The following RCAN2 variants were observed in gnomAD, a reference collection of about 807,000 sequenced individuals.
RCAN2 encodes regulator of calcineurin 2.
In RCAN2, 9 loss-of-function variants were observed where a neutral mutation model predicts 23.6. That is an observed-to-expected ratio of 0.38 (90% CI 0.23 to 0.67). RCAN2 has a LOEUF of 0.67. Ranked by LOEUF, RCAN2 falls within the 30% of genes least tolerant of loss-of-function variation. The probability of loss-of-function intolerance (pLI) is 0.51; values close to 1 mark genes in which losing one functional copy is unlikely to be tolerated. For missense variants in RCAN2, 273 were observed against 302.3 expected (o/e 0.90, Z 0.72); for synonymous variants, 109 against 115.7 (o/e 0.94, Z 0.37).
At chr6:46,377,651 C>T (rs1765514037) in intron 2 of RCAN2, among the ~76,000 whole-genome samples, 1 of 152,212 alleles carries the variant, frequency 6.6e-6, no homozygotes, top group Non-Finnish European at 1.5e-5. Context: ...AAATGAGAAC[C>T]TTACTTCCTG....
intron 4 of RCAN2, among the ~76,000 whole-genome samples, chr6:46,230,550 C>T (rs1765847325): frequency 1.3e-5 from 2 of 152,170 alleles, no homozygotes; most frequent in Admixed American, 1.3e-4. Flanking sequence ...GTGAGTGAGG[C>T]TCCATGGGCA....
At chr6:46,491,141 G>T (rs1178601860) in intron 1 of RCAN2, 32 bp downstream of exon 1, 2 of 151,438 alleles carry the variant, frequency 1.3e-5, no homozygotes, top group East Asian at 3.9e-4. Flanking sequence ...GGGTGCCTGG[G>T]CGAGCCTGGC....
chr6:46,445,335 T>C (rs1423377427), intron 2 of RCAN2, among the ~76,000 whole-genome samples: 2 of 152,192 alleles, frequency 1.3e-5, no homozygotes, highest in Non-Finnish European at 2.9e-5. Context: ...GCCCACCTGC[T>C]GACCCAGGCA....
intron 2 of RCAN2, among the ~76,000 whole-genome samples, chr6:46,448,738 T>C (rs1302364216): frequency 6.6e-6 from 1 of 151,968 alleles, no homozygotes; most frequent in Non-Finnish European, 1.5e-5. Context: ...CATATGGTTA[T>C]CTCAACAGAA....
At chr6:46,410,907 A>G (rs138941185) in intron 2 of RCAN2, among the ~76,000 whole-genome samples, 1 of 152,330 alleles carries the variant, frequency 6.6e-6, no homozygotes, top group East Asian at 1.9e-4. Flanking sequence ...GCCTTTTGCC[A>G]TGCACCAGCA....
chr6:46,332,334 G>A (rs915730791), intron 2 of RCAN2, among the ~76,000 whole-genome samples: 10 of 151,460 alleles, frequency 6.6e-5, no homozygotes, highest in Non-Finnish European at 8.8e-5. Context: ...TATACTTTAA[G>A]TTTTAGGGTA....
At chr6:46,274,805 G>A (rs1021195531) in intron 2 of RCAN2, among the ~76,000 whole-genome samples, 9 of 152,182 alleles carry the variant, frequency 5.9e-5, no homozygotes, top group Non-Finnish European at 1.2e-4. Context: ...GAACCACCAA[G>A]TACTTTCTGA....
chr6:46,360,674 A>C (rs1764984351), intron 2 of RCAN2, among the ~76,000 whole-genome samples: 2 of 152,138 alleles, frequency 1.3e-5, no homozygotes, highest in African/African-American at 2.4e-5. Context: ...GGCTGGACTT[A>C]TAAGGTACAA....
chr6:46,261,353 G>A (rs1767101149), intron 2 of RCAN2, among the ~76,000 whole-genome samples: 1 of 152,190 alleles, frequency 6.6e-6, no homozygotes, highest in African/African-American at 2.4e-5. Context: ...CTTGAACAAT[G>A]TACTTACCCA....
chr6:46,462,448 T>C (rs889496820), intron 1 of RCAN2, among the ~76,000 whole-genome samples: 1 of 152,192 alleles, frequency 6.6e-6, no homozygotes, highest in Non-Finnish European at 1.5e-5. Flanking sequence ...CATGTGAAGA[T>C]AATTTTCATC....
chr6:46,488,217 A>G (rs1391240758), intron 1 of RCAN2, among the ~76,000 whole-genome samples: 1 of 152,234 alleles, frequency 6.6e-6, no homozygotes, highest in African/African-American at 2.4e-5. Flanking sequence ...CCTGGGCTTC[A>G]ATTCTAGGTG....
At chr6:46,431,612 C>A (rs1041405133) in intron 2 of RCAN2, among the ~76,000 whole-genome samples, 1 of 152,174 alleles carries the variant, frequency 6.6e-6, no homozygotes, top group Non-Finnish European at 1.5e-5. Context: ...ACCTATGTGA[C>A]ACTAAAAATT....
At chr6:46,383,168 AGTGTGTGTGTGTGTGT>A (rs71305761) in intron 2 of RCAN2, among the ~76,000 whole-genome samples, 3 of 139,312 alleles carry the variant, frequency 2.2e-5, no homozygotes, top group African/African-American at 2.6e-5. Flanking sequence ...CAGCCTGGGT[AGTGTGTGTGTGTGTGT>A]GTGTGTGTGT....
intron 2 of RCAN2, among the ~76,000 whole-genome samples, chr6:46,290,643 AGTCT>A (rs1762527382): frequency 6.6e-6 from 1 of 152,238 alleles, no homozygotes; most frequent in African/African-American, 2.4e-5. Context: ...AATGGAACAA[AGTCT>A]ATCTTGAAAA....
intron 2 of RCAN2, among the ~76,000 whole-genome samples, chr6:46,361,214 G>C (rs1765002753): frequency 6.6e-6 from 1 of 152,162 alleles, no homozygotes; most frequent in Non-Finnish European, 1.5e-5. Context: ...CTATCCTGGG[G>C]GAAGGGTGAG....
intron 2 of RCAN2, among the ~76,000 whole-genome samples, chr6:46,388,696 G>A (rs1179170743): frequency 6.6e-6 from 1 of 152,142 alleles, no homozygotes; most frequent in Non-Finnish European, 1.5e-5. Flanking sequence ...ACTAAAACAG[G>A]AACAGAACAC....
intron 1 of RCAN2, among the ~76,000 whole-genome samples, chr6:46,489,080 C>T (rs550204390): frequency 6.6e-6 from 1 of 152,304 alleles, no homozygotes; most frequent in South Asian, 2.1e-4. Flanking sequence ...CTAAACATTC[C>T]TGTCTTCCCT....
chr6:46,317,942 G>C (rs922090285), intron 2 of RCAN2, among the ~76,000 whole-genome samples: 1 of 152,122 alleles, frequency 6.6e-6, no homozygotes, highest in Non-Finnish European at 1.5e-5. Context: ...AGATGCCTTG[G>C]GCTATAATGG....
intron 2 of RCAN2, among the ~76,000 whole-genome samples, chr6:46,415,680 G>T (rs1561896574): frequency 1.3e-5 from 2 of 152,090 alleles, no homozygotes; most frequent in Non-Finnish European, 2.9e-5. Flanking sequence ...CTAGCACATA[G>T]GTGGCACCCA....
Sources: allele counts gnomAD v4.1 joint callset (sites outside exome capture counted in the v4.1 genomes callset), GRCh38; gene constraint gnomAD v4.1.1; transcripts MANE v1.5; gene names NCBI Gene and HGNC (gene_info 2026-07-23, HGNC 2026-07-21).